Variants in ACBD6 observed in about 807,000 individuals in gnomAD.
ACBD6 encodes acyl-CoA-binding domain-containing protein 6.
A neutral mutation model predicts 37.2 loss-of-function variants in ACBD6; 28 were observed. The ratio of observed to expected loss-of-function variants is 0.75; its 90% CI spans 0.56 to 1.03. The LOEUF is 1.03. ACBD6 is among the 50% of genes least tolerant of loss of function. The pLI, the probability that ACBD6 is intolerant of heterozygous loss-of-function variation, is 0.00. For missense variants in ACBD6, 340 were observed against 337.4 expected, an observed-to-expected ratio of 1.01 and a Z score of -0.06; for synonymous variants, 113 against 126.8, an observed-to-expected ratio of 0.89 and a Z score of 0.73.
At chr1:180,494,099 G>A (rs557947517) in intron 2 of ACBD6, among the ~76,000 whole-genome samples, 227 of 152,036 alleles carry the variant, frequency 1.5e-3, no homozygotes, top group African/African-American at 4.9e-3. Context: ...GTAAATGGTG[G>A]GTCAGCCTGT....
At position 180,382,050 on chromosome 1, in the gene ACBD6, G is replaced by C. The variant is rs892385699; in HGVS notation, c.663+15466C>G. Among the ~76,000 whole-genome samples, 50 of 150,964 alleles carry C rather than the reference G, an allele frequency of 3.3e-4. 1 individual carries two copies. The highest frequency in any genetic ancestry group is 7.1e-4 in the Non-Finnish European group (48 of 67,868). On this transcript the variant is annotated intron_variant, in intron 6 of 7. Coordinates refer to ENST00000367595, the MANE Select transcript of ACBD6 (RefSeq NM_032360.4). The stretch of plus-strand genomic sequence containing the variant: ...AAATAGCTTGAACCCAAGAGGCAGA[G>C]GTTGCAGTGAGCCAAGATTGCACCA...
intron 6 of ACBD6, among the ~76,000 whole-genome samples, chr1:180,329,667 A>T (rs1651401505): frequency 6.6e-6 from 1 of 151,910 alleles, no homozygotes; most frequent in African/African-American, 2.4e-5. Flanking sequence ...GTGATTTTCA[A>T]TTTTTTTTAA....
chr1:180,478,592 A>G (rs925609339), intron 3 of ACBD6, among the ~76,000 whole-genome samples: 21 of 151,520 alleles, frequency 1.4e-4, no homozygotes, highest in African/African-American at 4.6e-4. Flanking sequence ...AGGTTCAAGC[A>G]ATTCTCCTGC....
chr1:180,331,807 G>A (rs1558253033), intron 6 of ACBD6, among the ~76,000 whole-genome samples: 1 of 152,050 alleles, frequency 6.6e-6, no homozygotes, highest in Non-Finnish European at 1.5e-5. Context: ...TTAATAAATG[G>A]TATGTCATTT....
At chr1:180,349,325 G>A (rs1277325184) in intron 6 of ACBD6, among the ~76,000 whole-genome samples, 1 of 150,462 alleles carries the variant, frequency 6.6e-6, no homozygotes, top group African/African-American at 2.4e-5. Flanking sequence ...GGGCGATCTC[G>A]GCTCACTGCA....
intron 7 of ACBD6, among the ~76,000 whole-genome samples, chr1:180,306,509 A>C (rs1434938585): frequency 6.6e-6 from 1 of 152,140 alleles, no homozygotes; most frequent in Non-Finnish European, 1.5e-5. Context: ...CCCCTTTACT[A>C]ATGCTAGAGA....
intron 6 of ACBD6, among the ~76,000 whole-genome samples, chr1:180,340,822 A>G (rs1027337326): frequency 2.0e-5 from 3 of 152,108 alleles, no homozygotes; most frequent in Admixed American, 2.0e-4. Flanking sequence ...TATGGTAGTG[A>G]GAATTTGCGG....
intron 6 of ACBD6, among the ~76,000 whole-genome samples, chr1:180,369,285 C>T (rs1432387198): frequency 6.6e-6 from 1 of 152,184 alleles, no homozygotes; most frequent in East Asian, 1.9e-4. Context: ...GCAACACACT[C>T]CCTCACCTTT....
chr1:180,501,555 T>TG (rs1368026761), intron 1 of ACBD6, among the ~76,000 whole-genome samples: 1 of 152,128 alleles, frequency 6.6e-6, no homozygotes, highest in Non-Finnish European at 1.5e-5. Context: ...CGACCTCAGG[T>TG]GATCCTCCCG....
At chr1:180,378,832 C>T (rs915904052) in intron 6 of ACBD6, among the ~76,000 whole-genome samples, 1 of 152,100 alleles carries the variant, frequency 6.6e-6, no homozygotes, top group Non-Finnish European at 1.5e-5. Context: ...CCACCCATCA[C>T]AGCCACCACC....
intron 3 of ACBD6, among the ~76,000 whole-genome samples, chr1:180,436,802 AAAAAAC>A (rs1183311576): frequency 6.6e-6 from 1 of 152,184 alleles, no homozygotes; most frequent in African/African-American, 2.4e-5. Context: ...TTGAAACCTC[AAAAAAC>A]AAAAACAAAA....
chr1:180,351,150 T>A (rs1652399512), intron 6 of ACBD6, among the ~76,000 whole-genome samples: 1 of 152,220 alleles, frequency 6.6e-6, no homozygotes, highest in Admixed American at 6.5e-5. Flanking sequence ...AGATATCTAT[T>A]TCCATAGAAA....
At chr1:180,338,741 G>A (rs1049526210) in intron 6 of ACBD6, among the ~76,000 whole-genome samples, 2 of 152,108 alleles carry the variant, frequency 1.3e-5, no homozygotes. Flanking sequence ...GAGTGAATAG[G>A]CAACCTACAG....
chr1:180,272,783 C>T (rs1272868806), intron 12 of ACBD6: 2 of 152,190 alleles, frequency 1.3e-5, no homozygotes, highest in African/African-American at 4.8e-5. Flanking sequence ...TTCTCTTGAG[C>T]CCCAGTATTC....
rs182615418 is a variant in ACBD6 at position 180,300,824 on chromosome 1, T to C, written c.695-12307A>G. On this transcript the variant is annotated intron_variant, in intron 7 of 7. Coordinates refer to ENST00000367595, the MANE Select transcript of ACBD6 (RefSeq NM_032360.4). ...ATACATTTACTCCCAAGTACAGTCT[T>C]GAAAACTAGCCTTGAATCACTGACC... 3.2e-3 allele frequency among the ~76,000 whole-genome samples: 484 copies of C among 152,330 alleles called. 2 individuals are homozygous for C. The highest frequency in any genetic ancestry group is 8.6e-3 in the Admixed American group (132 of 15,294).
intron 5 of ACBD6, among the ~76,000 whole-genome samples, chr1:180,404,364 T>C (rs1402622944): frequency 6.6e-6 from 1 of 152,222 alleles, no homozygotes; most frequent in African/African-American, 2.4e-5. Flanking sequence ...TCTCACTATG[T>C]TGCTCAGCCT....
intron 6 of ACBD6, among the ~76,000 whole-genome samples, chr1:180,366,627 C>G (rs951924900): frequency 6.6e-6 from 1 of 152,066 alleles, no homozygotes; most frequent in Non-Finnish European, 1.5e-5. Flanking sequence ...GCCAGCTGTT[C>G]ATTCTCAGAT....
At chr1:180,480,294 G>C (rs1183153204) in intron 3 of ACBD6, among the ~76,000 whole-genome samples, 1 of 152,154 alleles carries the variant, frequency 6.6e-6, no homozygotes. Flanking sequence ...GCCTAGGCAA[G>C]AGATGATGAT....
At chr1:180,309,345 A>G (rs1179658099) in intron 7 of ACBD6, among the ~76,000 whole-genome samples, 1 of 152,246 alleles carries the variant, frequency 6.6e-6, no homozygotes, top group Admixed American at 6.5e-5. Context: ...CATTTTAAAT[A>G]TATCAAACTT....
Sources: allele counts gnomAD v4.1 joint callset (sites outside exome capture counted in the v4.1 genomes callset), GRCh38; gene constraint gnomAD v4.1.1; transcripts MANE v1.5; gene names NCBI Gene and HGNC (gene_info 2026-07-23, HGNC 2026-07-21).